The following LIMK2 variants were observed in gnomAD, a reference collection of about 807,000 sequenced individuals.
The protein encoded by LIMK2 is LIM domain kinase 2.
In LIMK2, 35 loss-of-function variants were observed where a neutral mutation model predicts 75.7. The ratio of observed to expected loss-of-function variants is 0.46; its 90% CI spans 0.35 to 0.61. The LOEUF is 0.61. LIMK2 is among the 20% of genes least tolerant of loss of function. The probability of loss-of-function intolerance (pLI) is 0.00; values close to 1 mark genes in which losing one functional copy is unlikely to be tolerated. For synonymous variants in LIMK2, 301 were observed against 319.2 expected (o/e 0.94, Z 0.61); for missense variants, 623 against 831.0 (o/e 0.75, Z 3.08).
chr22:31,266,280 C>A, intron 8 of LIMK2, 148 bp downstream of exon 8: 1 of 766,602 alleles, frequency 1.3e-6, no homozygotes. Flanking sequence ...GAGAGGTATC[C>A]TTCACCCCCA....
At chr22:31,270,025 G>A (rs2123858303) in intron 11 of LIMK2, among the ~76,000 whole-genome samples, 1 of 152,006 alleles carries the variant, frequency 6.6e-6, no homozygotes, top group Admixed American at 6.5e-5. Context: ...GACATTTGGG[G>A]GATGGGGGAT....
At chr22:31,267,569 C>T (rs1422363296) in intron 9 of LIMK2, among the ~76,000 whole-genome samples, 1 of 152,252 alleles carries the variant, frequency 6.6e-6, no homozygotes, top group Non-Finnish European at 1.5e-5. Context: ...TCTCCCAATG[C>T]AGTTCCAAGG....
chr22:31,262,097 G>A lies in LIMK2; in HGVS notation c.552-37G>A, dbSNP rs2048846023. 11 of 1,548,662 alleles carry A rather than the reference G, an allele frequency of 7.1e-6. No homozygotes were observed. Among genetic ancestry groups the A allele is most frequent in the South Asian group, 2.2e-5 (2 of 89,716 alleles). ...CAGAATTGGTCAAGCAGGTTTTTAGGACATCTTTACCCTGCCTCAACTCTT... is the reference window on the plus strand; with the variant it reads ...CAGAATTGGTCAAGCAGGTTTTTAGAACATCTTTACCCTGCCTCAACTCTT... On this transcript the variant is annotated intron_variant, in intron 5 of 15. Coordinates refer to ENST00000331728, the MANE Select transcript of LIMK2 (RefSeq NM_005569.4). The surrounding 1 kb of genome is among the most constrained non-coding windows in gnomAD (Gnocchi z 5.0).
chr22:31,216,806 T>C (rs1429186495), intron 1 of LIMK2, among the ~76,000 whole-genome samples: 3 of 152,174 alleles, frequency 2.0e-5, no homozygotes, highest in Non-Finnish European at 4.4e-5. Context: ...TTCTTGTTAG[T>C]GTAACCTTGA....
chr22:31,244,124 G>T (rs1471792350), intron 2 of LIMK2, among the ~76,000 whole-genome samples: 2 of 152,200 alleles, frequency 1.3e-5, no homozygotes, highest in African/African-American at 2.4e-5. Context: ...AGAGGAGTAG[G>T]GGGAGAGGAG....
intron 1 of LIMK2, among the ~76,000 whole-genome samples, chr22:31,221,625 C>T (rs1189575206): frequency 6.6e-6 from 1 of 152,062 alleles, no homozygotes; most frequent in Non-Finnish European, 1.5e-5. Flanking sequence ...GCTGGGACTA[C>T]AGGCGCCCAC....
chr22:31,269,586 G>A (rs1373275996), intron 11 of LIMK2, among the ~76,000 whole-genome samples: 2 of 151,888 alleles, frequency 1.3e-5, no homozygotes, highest in Admixed American at 1.3e-4. Context: ...CTGGCCAACT[G>A]GTGAAACCCT....
chr22:31,270,879 T>C (rs995387655), intron 11 of LIMK2, among the ~76,000 whole-genome samples: 1 of 152,176 alleles, frequency 6.6e-6, no homozygotes, highest in East Asian at 1.9e-4. Flanking sequence ...GTGAGGGCTT[T>C]GGCCAGCCAC....
At chr22:31,265,525 G>A (rs991651355) in intron 7 of LIMK2, among the ~76,000 whole-genome samples, 7 of 151,564 alleles carry the variant, frequency 4.6e-5, no homozygotes, top group African/African-American at 9.7e-5. Flanking sequence ...TTGACAGAGC[G>A]AGACTCTGTC....
Position 31,258,425 on chromosome 22 carries a change from T to C in LIMK2, c.251T>C (p.Met84Thr). The C allele has an allele frequency of 3.1e-6, 5 of 1,614,108 alleles. No homozygotes were observed. The highest frequency in any genetic ancestry group is 4.2e-6 in the Non-Finnish European group (5 of 1,179,980). The change falls in exon 3 of 16, where the codon ATG becomes ACG. Residue 84 changes from methionine (M) to threonine (T), a missense_variant and splice_region_variant. Met to Thr is a moderately conservative substitution (Grantham distance 81, BLOSUM62 -1). Around this residue, in one of 3 missense-constraint regions of LIMK2, gnomAD observed 514 missense variants for 661.3 expected, o/e 0.78. Transcript: ENST00000331728. ...GCSLLMTGPF[M>T]VAGEFKYHPE... The stretch of plus-strand genomic sequence containing the variant: ...TCCCTGCTGATGACAGGGCCTTTTA[T>C]GGTGAGTGAATCCCTTCATATCTGC...
At chr22:31,246,183 G>GCACACACACGCACA (rs2048667751) in intron 2 of LIMK2, among the ~76,000 whole-genome samples, 1 of 134,994 alleles carries the variant, frequency 7.4e-6, no homozygotes, top group Non-Finnish European at 1.6e-5. Context: ...ACGCACGCAC[G>GCACACACACGCACA]CACACACACA....
At chr22:31,221,523 C>T (rs2048434047) in intron 1 of LIMK2, among the ~76,000 whole-genome samples, 3 of 152,072 alleles carry the variant, frequency 2.0e-5, no homozygotes, top group African/African-American at 7.2e-5. Context: ...CTCGCTCTGT[C>T]GCCCAAGCTG....
rs558208756 is a variant in LIMK2, at chr22:31,248,048, C to CT, written c.117-10230dup. ...CTCTTCCTGGACCTGGCATCCTCTG[C>CT]TTTTTTTTTTTTTCCACCTCCAAGC... On this transcript the variant is annotated intron_variant, in intron 2 of 15. Coordinates refer to ENST00000331728, the MANE Select transcript of LIMK2 (RefSeq NM_005569.4). Among the ~76,000 whole-genome samples the CT allele has an allele frequency of 8.8e-3, 1,281 of 145,200 alleles. 10 individuals are homozygous for CT. Among genetic ancestry groups the CT allele is most frequent in the African/African-American group, 0.028 (1,100 of 39,894 alleles).
chr22:31,248,357 TA>T, intron 2 of LIMK2: 1 of 1,262,020 alleles, frequency 7.9e-7, no homozygotes, highest in Non-Finnish European at 1.0e-6. Flanking sequence ...AGAAGAAGGC[TA>T]ACTTGACAGC....
chr22:31,263,341 A>G (rs2048859926), intron 7 of LIMK2, among the ~76,000 whole-genome samples: 1 of 152,122 alleles, frequency 6.6e-6, no homozygotes, highest in Admixed American at 6.5e-5. Context: ...CTGATACCCT[A>G]CTGGGGCTTC....
chr22:31,239,811 G>A (rs2048608917), intron 2 of LIMK2, among the ~76,000 whole-genome samples: 1 of 152,144 alleles, frequency 6.6e-6, no homozygotes, highest in African/African-American at 2.4e-5. Context: ...CTGGGTGAAT[G>A]ATGTATTTGT....
chr22:31,224,040 T>C (rs373454303), intron 1 of LIMK2, among the ~76,000 whole-genome samples: 3 of 152,336 alleles, frequency 2.0e-5, no homozygotes, highest in South Asian at 4.1e-4. Context: ...TGACTGTCAC[T>C]GTGCCTGTGG....
chr22:31,267,788 C>T lies in LIMK2; in HGVS notation c.1141C>T (p.Arg381Cys), dbSNP rs1258591161. 5.0e-6 allele frequency: 8 copies of T among 1,598,472 alleles called. No homozygotes were observed. Among genetic ancestry groups the T allele is most frequent in the East Asian group, 2.2e-5 (1 of 44,686 alleles). ...KTFLTEVKVMRSLDHPNVLKF... is the reference protein window; with the variant it reads ...KTFLTEVKVMCSLDHPNVLKF... Reference sequence around the variant, plus strand: ...CCCCCACCCCCAGGTGAAAGTGATGCGCAGCCTGGACCACCCCAATGTGCT... The same window carrying T: ...CCCCCACCCCCAGGTGAAAGTGATGTGCAGCCTGGACCACCCCAATGTGCT... The change falls in exon 10 of 16, where the codon CGC (arginine) becomes TGC (cysteine). Residue 381 changes from arginine to cysteine, a missense_variant. This residue lies in a region of LIMK2 where 514 missense variants were observed against 661.3 expected (regional missense o/e 0.78). Coordinates refer to ENST00000331728, the MANE Select transcript of LIMK2 (RefSeq NM_005569.4).
intron 2 of LIMK2, 68 bp from the exon 3 acceptor site, chr22:31,258,223 C>A: frequency 6.7e-7 from 1 of 1,497,782 alleles, no homozygotes; most frequent in Non-Finnish European, 9.0e-7. Context: ...TACCTAGGAA[C>A]CAGGGACAGC....
Sources: gnomAD v4.1 joint callset for allele counts (sites outside exome capture counted in the v4.1 genomes callset) on GRCh38, gnomAD v4.1.1 for gene constraint, gnomAD v4.1.1 regional missense constraint, Gnocchi (gnomAD v3.1) non-coding constraint, MANE v1.5 for transcripts, NCBI Gene and HGNC (gene_info 2026-07-23, HGNC 2026-07-21) for gene names.